The following LY6S variants were observed in gnomAD, a reference collection of about 807,000 sequenced individuals.
LY6S encodes lymphocyte antigen 6 family member S, also known as lymphocyte antigen 6S.
chr8:143,044,762 C>T, the LY6S span: 1 of 1,367,540 alleles, frequency 7.3e-7, no homozygotes, highest in Non-Finnish European at 9.8e-7. Context: ...GAGGCCCCTT[C>T]CAAGACCGCC....
At chr8:143,067,991 A>G in the LY6S span, among the ~76,000 whole-genome samples, 5 of 152,180 alleles carry the variant, frequency 3.3e-5, no homozygotes, top group Admixed American at 1.3e-4. Context: ...TCTCAACTGC[A>G]AAGAGGCCTC....
At chr8:143,070,522 T>A in the LY6S span, among the ~76,000 whole-genome samples, 1 of 137,714 alleles carries the variant, frequency 7.3e-6, no homozygotes, top group South Asian at 2.3e-4. Context: ...ATTCTCGCCC[T>A]GTCGCCCAGG....
At chr8:143,059,316 A>C in the LY6S span, among the ~76,000 whole-genome samples, 1 of 152,118 alleles carries the variant, frequency 6.6e-6, no homozygotes, top group African/African-American at 2.4e-5. Flanking sequence ...TTGACTTCTA[A>C]ATGTTTTATG....
the LY6S span, among the ~76,000 whole-genome samples, chr8:143,051,333 G>A: frequency 2.6e-5 from 4 of 152,148 alleles, no homozygotes; most frequent in Admixed American, 2.6e-4. Flanking sequence ...CTGAGGTCAG[G>A]AGTTCGAGAC....
chr8:143,065,746 CTT>C, the LY6S span, among the ~76,000 whole-genome samples: 7 of 108,486 alleles, frequency 6.5e-5, no homozygotes, highest in East Asian at 2.2e-3. Context: ...CTTTCTTTCT[CTT>C]TCTTTCTTTC....
At chr8:143,052,322 A>G in the LY6S span, among the ~76,000 whole-genome samples, 1 of 152,228 alleles carries the variant, frequency 6.6e-6, no homozygotes, top group Admixed American at 6.5e-5. Flanking sequence ...ATGGGGCAGG[A>G]CACCATGACC....
chr8:143,068,843 G>T, the LY6S span, among the ~76,000 whole-genome samples: 1 of 151,876 alleles, frequency 6.6e-6, no homozygotes. Flanking sequence ...AAGCTCTTCT[G>T]CAGTGCCACT....
chr8:143,070,461 TA>T, the LY6S span, among the ~76,000 whole-genome samples: 3 of 44,064 alleles, frequency 6.8e-5, no homozygotes, highest in African/African-American at 2.2e-4. Flanking sequence ...TATATATATA[TA>T]TAATATATAT....
chr8:143,063,613 G>C, the LY6S span, among the ~76,000 whole-genome samples: 21 of 152,188 alleles, frequency 1.4e-4, no homozygotes, highest in Admixed American at 3.3e-4. Context: ...CATGTGGCAG[G>C]GCTGTGTCCT....
the LY6S span, among the ~76,000 whole-genome samples, chr8:143,070,485 A>T: frequency 2.2e-3 from 183 of 84,550 alleles, 6 homozygotes; most frequent in African/African-American, 0.012. Flanking sequence ...AAATATATAT[A>T]TATATTTTTT....
At chr8:143,064,720 C>A in the LY6S span, among the ~76,000 whole-genome samples, 2 of 152,208 alleles carry the variant, frequency 1.3e-5, no homozygotes, top group Non-Finnish European at 2.9e-5. Context: ...CATTTATGAT[C>A]TCCAGGAAGA....
chr8:143,058,863 G>A, the LY6S span, among the ~76,000 whole-genome samples: 33,292 of 152,054 alleles, frequency 0.22, 5,184 homozygotes, highest in African/African-American at 0.43. Flanking sequence ...GCATAACAGA[G>A]GGCTCGCACT....
chr8:143,044,224 G>C, the LY6S span: 2 of 456,156 alleles, frequency 4.4e-6, no homozygotes, highest in Non-Finnish European at 8.8e-6. Context: ...CGCCTCTCCT[G>C]CATGGAGCTG....
At chr8:143,060,783 C>A in the LY6S span, among the ~76,000 whole-genome samples, 1 of 152,238 alleles carries the variant, frequency 6.6e-6, no homozygotes, top group East Asian at 1.9e-4. Context: ...GGAGAAAAAC[C>A]CACAGGTCCT....
At chr8:143,050,923 G>T in the LY6S span, among the ~76,000 whole-genome samples, 4 of 152,256 alleles carry the variant, frequency 2.6e-5, no homozygotes, top group Admixed American at 2.0e-4. Context: ...CCCGGCTCGG[G>T]GTCGGGGAAA....
At chr8:143,073,551 G>A in the LY6S span, among the ~76,000 whole-genome samples, 51 of 117,252 alleles carry the variant, frequency 4.3e-4, no homozygotes, top group East Asian at 1.7e-3. Context: ...CCCTGTTTGA[G>A]GAGACAGCCG....
chr8:143,042,982 C>A, the LY6S span: 15 of 1,365,682 alleles, frequency 1.1e-5, no homozygotes, highest in Admixed American at 2.9e-4. Flanking sequence ...CTGCCCTGGC[C>A]ACATCCTTCC....
the LY6S span, among the ~76,000 whole-genome samples, chr8:143,061,170 A>G: frequency 6.6e-6 from 1 of 152,106 alleles, no homozygotes; most frequent in African/African-American, 2.4e-5. Flanking sequence ...TCACGTCTGT[A>G]ATCCCAGCAC....
At chr8:143,051,629 CA>C in the LY6S span, among the ~76,000 whole-genome samples, 8 of 152,094 alleles carry the variant, frequency 5.3e-5, no homozygotes, top group Non-Finnish European at 1.0e-4. Flanking sequence ...GCTCATAGGT[CA>C]AAAGCTCTTG....
Sources: allele counts gnomAD v4.1 joint callset (sites outside exome capture counted in the v4.1 genomes callset), GRCh38; gene constraint gnomAD v4.1.1; transcripts MANE v1.5; gene names NCBI Gene and HGNC (gene_info 2026-07-23, HGNC 2026-07-21).